H6PD: variants seen among roughly 807,000 people sequenced by gnomAD.
H6PD encodes hexose-6-phosphate dehydrogenase/glucose 1-dehydrogenase.
In H6PD, 48 loss-of-function variants were observed where a neutral mutation model predicts 61.2. The ratio of observed to expected loss-of-function variants is 0.78; its 90% CI spans 0.62 to 1.00. The LOEUF (loss-of-function observed/expected upper bound fraction) is 1.00. H6PD is among the 50% of genes least tolerant of loss of function. The probability of loss-of-function intolerance (pLI) is 0.00; values close to 1 mark genes in which losing one functional copy is unlikely to be tolerated. For missense variants in H6PD, 1,093 were observed against 1,065.0 expected, an observed-to-expected ratio of 1.03 and a Z score of -0.37; for synonymous variants, 480 against 457.9, an observed-to-expected ratio of 1.05 and a Z score of -0.62.
intron 1 of H6PD, chr1:9,242,672 T>TCC: frequency 1.5e-5 from 15 of 985,432 alleles, no homozygotes; most frequent in Non-Finnish European, 1.8e-5. Context: ...CCCTTGGGGC[T>TCC]CCCCCACCTG....
intron 3 of H6PD, among the ~76,000 whole-genome samples, chr1:9,258,920 T>C (rs148333104): frequency 1.3e-5 from 2 of 152,244 alleles, no homozygotes; most frequent in Non-Finnish European, 2.9e-5. Context: ...CGGTGTTATG[T>C]TGTTATGCCA....
chr1:9,243,000 AC>A (rs1465520474), intron 1 of H6PD: 1 of 983,078 alleles, frequency 1.0e-6, no homozygotes, highest in East Asian at 1.1e-4. Flanking sequence ...GAGGGCAGAT[AC>A]AGGGAGAGTG....
chr1:9,253,188 G>A (rs1641421054), intron 3 of H6PD, among the ~76,000 whole-genome samples: 2 of 152,162 alleles, frequency 1.3e-5, no homozygotes, highest in Non-Finnish European at 2.9e-5. Flanking sequence ...ACCAGGCAAA[G>A]TCCATAAATC....
intron 3 of H6PD, among the ~76,000 whole-genome samples, chr1:9,247,969 G>A (rs987679847): frequency 6.6e-6 from 1 of 152,226 alleles, no homozygotes; most frequent in Admixed American, 6.5e-5. Flanking sequence ...GGTGAGGTGG[G>A]CGCTGTTACT....
chr1:9,240,641 C>G (rs1208636751), intron 1 of H6PD, among the ~76,000 whole-genome samples: 1 of 152,184 alleles, frequency 6.6e-6, no homozygotes, highest in Non-Finnish European at 1.5e-5. Flanking sequence ...TACAGCTGCT[C>G]AAACTTTTCA....
chr1:9,260,966 G>A (rs962510881), intron 3 of H6PD, among the ~76,000 whole-genome samples: 1 of 151,982 alleles, frequency 6.6e-6, no homozygotes, highest in Non-Finnish European at 1.5e-5. Context: ...CATGTTGGGG[G>A]CCTCCATTTT....
intron 3 of H6PD, among the ~76,000 whole-genome samples, chr1:9,259,994 A>G (rs1641668446): frequency 6.8e-6 from 1 of 148,132 alleles, no homozygotes; most frequent in African/African-American, 2.5e-5. Flanking sequence ...TTACACTGGT[A>G]TTATGTTACT....
chr1:9,264,605 A>G lies in H6PD; in HGVS notation c.2112A>G (p.Pro704=). Residue 704 remains proline, a synonymous_variant, in exon 5 of 5, where the codon CCA becomes CCG. Transcript: ENST00000377403. The part of the protein sequence containing the change: ...GADGHTASLF[P]QSPTGLDGEQ... Reference sequence around the variant, plus strand: ...ACGGGCACACAGCCTCCCTCTTCCCACAGTCACCCACTGGCCTGGATGGCG... The same window carrying G: ...ACGGGCACACAGCCTCCCTCTTCCCGCAGTCACCCACTGGCCTGGATGGCG... 3 of 1,613,078 alleles carry G rather than the reference A, an allele frequency of 1.9e-6. No homozygotes were observed. Among genetic ancestry groups the G allele is most frequent in the Non-Finnish European group, 2.5e-6 (3 of 1,179,902 alleles).
At chr1:9,252,931 A>C (rs978478452) in intron 3 of H6PD, among the ~76,000 whole-genome samples, 23 of 152,114 alleles carry the variant, frequency 1.5e-4, no homozygotes, top group African/African-American at 5.6e-4. Flanking sequence ...GCTTTTCTCT[A>C]TCCTTTTCAT....
intron 3 of H6PD, among the ~76,000 whole-genome samples, chr1:9,261,667 T>C (rs553737297): frequency 1.8e-3 from 268 of 152,366 alleles, no homozygotes; most frequent in Non-Finnish European, 3.4e-3. Context: ...TCTGGGGTGC[T>C]GCAGCCCCCG....
At chr1:9,242,358 T>C (rs889514359) in intron 1 of H6PD, among the ~76,000 whole-genome samples, 1 of 146,660 alleles carries the variant, frequency 6.8e-6, no homozygotes, top group Non-Finnish European at 1.5e-5. Flanking sequence ...AAAAAAAAAA[T>C]ACCCACACAT....
rs1557749274 is a variant in H6PD, at chr1:9,262,248, A to G, written c.935A>G (p.Gln312Arg). The G allele has an allele frequency of 1.2e-6, 2 of 1,613,122 alleles. No individual in the cohort carries two copies. Among genetic ancestry groups the G allele is most frequent in the Non-Finnish European group, 1.7e-6 (2 of 1,179,544 alleles). The change falls in exon 4 of 5, where the codon CAG (glutamine) becomes CGG (arginine). Residue 312 changes from glutamine to arginine, a missense_variant. Physicochemically the swap from Gln to Arg is conservative, Grantham distance 43. Coordinates refer to ENST00000377403, the MANE Select transcript of H6PD (RefSeq NM_004285.4). ...CAGAGGGGCAGTGCCGTCGTGGGCC[A>G]GTACCAGTCTTACAGTGAGCAGGTG... ...GLQRGSAVVG[Q>R]YQSYSEQVRR...
intron 4 of H6PD, among the ~76,000 whole-genome samples, chr1:9,263,001 G>T (rs971055679): frequency 1.3e-5 from 2 of 152,144 alleles, no homozygotes; most frequent in Non-Finnish European, 1.5e-5. Flanking sequence ...TTGCCACCAG[G>T]CCTTGTCCCT....
At chr1:9,260,271 G>A (rs892999474) in intron 3 of H6PD, among the ~76,000 whole-genome samples, 5 of 146,046 alleles carry the variant, frequency 3.4e-5, no homozygotes, top group South Asian at 2.1e-4. Flanking sequence ...TTATGTTGTC[G>A]TTACGCCAGT....
At chr1:9,239,852 A>G in intron 1 of H6PD, 1 of 446,460 alleles carries the variant, frequency 2.2e-6, no homozygotes, top group Non-Finnish European at 3.7e-6. Flanking sequence ...TTACCAGAAA[A>G]CGCTCTGCGG....
At chr1:9,261,968 T>C in intron 3 of H6PD, 91 bp from the exon 4 acceptor site, 2 of 1,289,712 alleles carry the variant, frequency 1.6e-6, no homozygotes, top group South Asian at 2.4e-5. Flanking sequence ...GCAGGATGAA[T>C]GTGCGGGCTG....
intron 3 of H6PD, among the ~76,000 whole-genome samples, chr1:9,252,369 T>C (rs887152046): frequency 6.6e-6 from 1 of 152,212 alleles, no homozygotes; most frequent in African/African-American, 2.4e-5. Context: ...ATAAACTCTT[T>C]TATTAAGCTT....
At chr1:9,258,242 T>TA (rs1410676147) in intron 3 of H6PD, among the ~76,000 whole-genome samples, 1 of 151,928 alleles carries the variant, frequency 6.6e-6, no homozygotes. Context: ...CTGGTGGTGT[T>TA]ATGTTGGTGT....
At chr1:9,261,126 C>G (rs1638274171) in intron 3 of H6PD, among the ~76,000 whole-genome samples, 1 of 152,160 alleles carries the variant, frequency 6.6e-6, no homozygotes, top group South Asian at 2.1e-4. Flanking sequence ...TTCCCTGCAT[C>G]TGCACCCATT....
Sources: allele counts gnomAD v4.1 joint callset (sites outside exome capture counted in the v4.1 genomes callset), GRCh38; gene constraint gnomAD v4.1.1; transcripts MANE v1.5; gene names NCBI Gene and HGNC (gene_info 2026-07-23, HGNC 2026-07-21).